Variants in PRKG1 observed in about 807,000 individuals in gnomAD.
The protein encoded by PRKG1 is cGMP-dependent protein kinase 1.
A neutral mutation model predicts 88.1 loss-of-function variants in PRKG1; 35 were observed. That is an observed-to-expected ratio of 0.40 (90% CI 0.30 to 0.53). The LOEUF (loss-of-function observed/expected upper bound fraction) is 0.53, where lower values mean the gene tolerates loss of function less well. Ranked by LOEUF, PRKG1 falls within the 20% of genes least tolerant of loss-of-function variation. The pLI, the probability that PRKG1 is intolerant of heterozygous loss-of-function variation, is 0.59. For synonymous variants in PRKG1, 303 were observed against 292.5 expected, an observed-to-expected ratio of 1.04 and a Z score of -0.37; for missense variants, 540 against 839.8, an observed-to-expected ratio of 0.64 and a Z score of 4.41.
chr10:51,673,075 C>T (rs189947602), intron 3 of PRKG1, among the ~76,000 whole-genome samples: 7 of 152,130 alleles, frequency 4.6e-5, no homozygotes, highest in African/African-American at 1.7e-4. Context: ...AGAGCCATCC[C>T]AAGGTCAGTC....
At chr10:51,614,043 T>G (rs1838981162) in intron 3 of PRKG1, among the ~76,000 whole-genome samples, 1 of 151,994 alleles carries the variant, frequency 6.6e-6, no homozygotes. Flanking sequence ...AATATTTTGT[T>G]GTTGCTTTTT....
At chr10:51,295,557 A>G (rs1043015640) in intron 2 of PRKG1, among the ~76,000 whole-genome samples, 2 of 152,084 alleles carry the variant, frequency 1.3e-5, no homozygotes, top group African/African-American at 4.8e-5. Context: ...TTTTCTACAT[A>G]TATGATCATG....
At chr10:51,275,997 G>C (rs924249433) in intron 2 of PRKG1, among the ~76,000 whole-genome samples, 3 of 151,804 alleles carry the variant, frequency 2.0e-5, no homozygotes, top group African/African-American at 7.3e-5. Flanking sequence ...TAAGTTCTAG[G>C]GTACATGTGC....
At position 51,906,287 on chromosome 10, in the gene PRKG1, A is replaced by G. The variant is rs142913029; in HGVS notation, c.699-1220A>G. Among the ~76,000 whole-genome samples the G allele has an allele frequency of 7.9e-3, 1,206 of 152,292 alleles. 17 individuals are homozygous for G. Among genetic ancestry groups the G allele is most frequent in the African/African-American group, 0.025 (1,047 of 41,564 alleles). On this transcript the variant is annotated intron_variant, in intron 4 of 17. Transcript: ENST00000373980. Reference sequence around the variant, plus strand: ...TGTTGAGGCACCTATCAACAAAAAGAGTCAAACTCTGTAAAATATTTGAAG... The same window carrying G: ...TGTTGAGGCACCTATCAACAAAAAGGGTCAAACTCTGTAAAATATTTGAAG...
intron 5 of PRKG1, among the ~76,000 whole-genome samples, chr10:52,052,507 T>C (rs1021725235): frequency 2.6e-5 from 4 of 152,018 alleles, no homozygotes; most frequent in African/African-American, 9.7e-5. Context: ...GCTGTATTAG[T>C]TCATTCTCAT....
At chr10:52,215,674 A>C (rs1463215683) in intron 9 of PRKG1, among the ~76,000 whole-genome samples, 1 of 152,198 alleles carries the variant, frequency 6.6e-6, no homozygotes, top group East Asian at 1.9e-4. Context: ...ATTTGGATGG[A>C]TAACTTTAAA....
intron 3 of PRKG1, among the ~76,000 whole-genome samples, chr10:51,653,774 G>T (rs1309928338): frequency 6.6e-6 from 1 of 151,994 alleles, no homozygotes; most frequent in African/African-American, 2.4e-5. Flanking sequence ...CACCATGTTG[G>T]CCAGGCTGGT....
In PRKG1 at chr10:51,908,734, A is replaced by ATATATATTT. The variant is rs563212069; in HGVS notation, c.762+1165_762+1166insATATATTTT. ...CTCTCTGTCTATCTATCTATATGTA[A>ATATATATTT]TTTTTTTTTTTTTGAGACAGTGTCT... On this transcript the variant is annotated intron_variant, in intron 5 of 17. Coordinates refer to ENST00000373980, the MANE Select transcript of PRKG1 (RefSeq NM_006258.4). The ATATATATTT allele has an allele frequency of 6.0e-3, 312 of 52,208 alleles. 7 individuals carry two copies. The highest frequency in any genetic ancestry group is 0.016 in the African/African-American group (271 of 17,372). The allele number at this position is 52,208 out of a possible 1,614,324, so 3.2% of individuals were successfully genotyped here. A position where few individuals can be genotyped will look rare whatever the true frequency, so the allele number is the denominator to read the frequency against.
chr10:51,989,205 G>A (rs1305279293), intron 5 of PRKG1, among the ~76,000 whole-genome samples: 10 of 152,080 alleles, frequency 6.6e-5, no homozygotes, highest in Admixed American at 6.6e-4. Flanking sequence ...TATGTTATCG[G>A]ATGGGTGGAA....
intron 4 of PRKG1, among the ~76,000 whole-genome samples, chr10:51,905,400 G>A (rs1842064457): frequency 6.6e-6 from 1 of 152,140 alleles, no homozygotes; most frequent in Non-Finnish European, 1.5e-5. Flanking sequence ...CCAAAAGAGA[G>A]CATTATTGTT....
chr10:51,567,893 C>T (rs1837649135), intron 3 of PRKG1, among the ~76,000 whole-genome samples: 3 of 152,006 alleles, frequency 2.0e-5, no homozygotes, highest in African/African-American at 4.8e-5. Flanking sequence ...GGCCTTAAAG[C>T]ATTTCATTTG....
At chr10:51,239,757 CAGA>C (rs1839101147) in intron 2 of PRKG1, among the ~76,000 whole-genome samples, 1 of 152,098 alleles carries the variant, frequency 6.6e-6, no homozygotes, top group Non-Finnish European at 1.5e-5. Context: ...AAGCTTGAAC[CAGA>C]TCGACCTGGG....
chr10:51,078,044 G>T (rs995011869), intron 1 of PRKG1, among the ~76,000 whole-genome samples: 9 of 152,068 alleles, frequency 5.9e-5, no homozygotes, highest in Non-Finnish European at 1.3e-4. Context: ...CTGAAATTTT[G>T]ATCTAAACCC....
At chr10:51,231,842 A>G (rs1241357580) in intron 2 of PRKG1, among the ~76,000 whole-genome samples, 2 of 152,080 alleles carry the variant, frequency 1.3e-5, no homozygotes, top group Admixed American at 1.3e-4. Flanking sequence ...GTTCCTTGTC[A>G]TGTAATGACA....
At chr10:51,808,874 G>C (rs193273232) in intron 4 of PRKG1, among the ~76,000 whole-genome samples, 22 of 152,242 alleles carry the variant, frequency 1.4e-4, no homozygotes, top group Non-Finnish European at 2.6e-4. Flanking sequence ...GTTCTTTTCG[G>C]TAGGGGTCTC....
intron 3 of PRKG1, among the ~76,000 whole-genome samples, chr10:51,652,823 C>A (rs57470113): frequency 0.018 from 2,668 of 152,198 alleles, 88 homozygotes; most frequent in African/African-American, 0.061. Context: ...TCACTACAAC[C>A]TATTCCTCCT....
chr10:51,328,521 T>G (rs188960099), intron 2 of PRKG1, among the ~76,000 whole-genome samples: 2 of 152,330 alleles, frequency 1.3e-5, no homozygotes, highest in Admixed American at 6.5e-5. Flanking sequence ...GGTATATAAG[T>G]GTATATACAT....
chr10:51,672,105 T>C (rs923722335), intron 3 of PRKG1, among the ~76,000 whole-genome samples: 1 of 151,540 alleles, frequency 6.6e-6, no homozygotes, highest in Non-Finnish European at 1.5e-5. Context: ...GATTTCTTTA[T>C]GTTGATCTCA....
chr10:51,206,969 G>C (rs561316907), intron 2 of PRKG1, among the ~76,000 whole-genome samples: 2 of 152,186 alleles, frequency 1.3e-5, no homozygotes, highest in East Asian at 3.9e-4. Flanking sequence ...AAAATGAATC[G>C]TATTTGTTAG....
Sources: allele counts gnomAD v4.1 joint callset (sites outside exome capture counted in the v4.1 genomes callset), GRCh38; gene constraint gnomAD v4.1.1; transcripts MANE v1.5; gene names NCBI Gene and HGNC (gene_info 2026-07-23, HGNC 2026-07-21).